Variants in PKHD1 observed in about 807,000 individuals in gnomAD.
PKHD1 encodes fibrocystin.
A neutral mutation model predicts 412.0 loss-of-function variants in PKHD1; 291 were observed. That is an observed-to-expected ratio of 0.71 (90% CI 0.64 to 0.78). PKHD1 has a LOEUF of 0.78. PKHD1 is among the 30% of genes least tolerant of loss of function. The pLI is 0.00. For synonymous variants in PKHD1, 1,777 were observed against 1,821.5 expected, an observed-to-expected ratio of 0.98 and a Z score of 0.62; for missense variants, 4,825 against 4,950.7, an observed-to-expected ratio of 0.97 and a Z score of 0.76.
intron 13 of PKHD1, among the ~76,000 whole-genome samples, chr6:52,063,368 G>A (rs1808969704): frequency 6.6e-6 from 1 of 152,114 alleles, no homozygotes; most frequent in Non-Finnish European, 1.5e-5. Flanking sequence ...ATTTTCTCAT[G>A]CATCAAAATG....
intron 55 of PKHD1, among the ~76,000 whole-genome samples, chr6:51,771,019 A>T (rs983972195): frequency 2.0e-5 from 3 of 152,142 alleles, no homozygotes; most frequent in Non-Finnish European, 2.9e-5. Flanking sequence ...TTCTGCCTTA[A>T]GACGGCAAAC....
At chr6:51,917,099 G>A (rs1783915148) in intron 37 of PKHD1, among the ~76,000 whole-genome samples, 2 of 135,546 alleles carry the variant, frequency 1.5e-5, no homozygotes, top group African/African-American at 5.5e-5. Context: ...TGCTTACTTT[G>A]TAGGACTTAA....
intron 52 of PKHD1, among the ~76,000 whole-genome samples, chr6:51,806,011 G>C (rs1477378605): frequency 2.7e-5 from 4 of 150,744 alleles, no homozygotes; most frequent in Non-Finnish European, 5.9e-5. Context: ...CCCAGTAACA[G>C]GATGGCTGGG....
At chr6:51,920,565 A>G (rs1368676133) in intron 37 of PKHD1, among the ~76,000 whole-genome samples, 1 of 152,172 alleles carries the variant, frequency 6.6e-6, no homozygotes, top group African/African-American at 2.4e-5. Flanking sequence ...AATGTTTATC[A>G]GGGATATTGG....
intron 60 of PKHD1, among the ~76,000 whole-genome samples, chr6:51,691,074 T>C (rs1250191047): frequency 6.6e-6 from 1 of 152,128 alleles, no homozygotes; most frequent in Non-Finnish European, 1.5e-5. Context: ...TCACTGATCA[T>C]TAGAGAAATG....
intron 39 of PKHD1, among the ~76,000 whole-genome samples, chr6:51,909,830 T>C (rs1296012399): frequency 6.6e-6 from 1 of 152,098 alleles, no homozygotes; most frequent in African/African-American, 2.4e-5. Context: ...CTTCTTGTGG[T>C]TGATAATTGT....
rs997021559 is a variant in PKHD1, at chr6:51,753,365, G to C, written c.8798-12C>G. 6.2e-7 allele frequency: 1 copy of C among 1,611,042 alleles called. No homozygotes were observed. Among genetic ancestry groups the C allele is most frequent in the Non-Finnish European group, 8.5e-7 (1 of 1,178,876 alleles). On this transcript the variant is annotated splice_polypyrimidine_tract_variant and intron_variant, in intron 56 of 66. Coordinates refer to ENST00000371117, the MANE Select transcript of PKHD1 (RefSeq NM_138694.4). Reference sequence around the variant, plus strand: ...GACATGTACACTTCCTGGGGCAATAGGAGTTGTGGGAAAAAAAAACTTTAA... The same window carrying C: ...GACATGTACACTTCCTGGGGCAATACGAGTTGTGGGAAAAAAAAACTTTAA...
chr6:51,658,880 C>T lies in PKHD1; in HGVS notation c.11174+72G>A, dbSNP rs1250721321. The T allele has an allele frequency of 8.5e-6, 8 of 942,596 alleles. No homozygotes were observed. The Admixed American group carries it at 1.2e-4, about 14-fold the overall frequency. The allele number at this position is 942,596 out of a possible 1,614,324, so 58.4% of individuals were successfully genotyped here. A position where few individuals can be genotyped will look rare whatever the true frequency, so the allele number is the denominator to read the frequency against. ...ATATGATTCAGTGTAAGTAGATTGA[C>T]ATTTGCAACATATGTCAATATGGAC... On this transcript the variant is annotated intron_variant, in intron 61 of 66. Coordinates refer to ENST00000371117, the MANE Select transcript of PKHD1 (RefSeq NM_138694.4).
At chr6:51,665,246 G>A (rs1181543188) in intron 60 of PKHD1, among the ~76,000 whole-genome samples, 1 of 152,072 alleles carries the variant, frequency 6.6e-6, no homozygotes, top group African/African-American at 2.4e-5. Context: ...CTAGCCCAAT[G>A]TTTCTCAGAA....
At chr6:51,850,125 T>C (rs1235943758) in intron 49 of PKHD1, among the ~76,000 whole-genome samples, 2 of 152,236 alleles carry the variant, frequency 1.3e-5, no homozygotes, top group African/African-American at 4.8e-5. Context: ...TACCCAGTTT[T>C]CCCAGCACCA....
intron 63 of PKHD1, among the ~76,000 whole-genome samples, chr6:51,642,415 A>C (rs779565132): frequency 6.6e-6 from 1 of 152,210 alleles, no homozygotes; most frequent in Non-Finnish European, 1.5e-5. Flanking sequence ...AGTAAGGTAC[A>C]GACTATGGGT....
chr6:51,899,428 T>G (rs545333626), intron 43 of PKHD1, among the ~76,000 whole-genome samples: 1 of 152,194 alleles, frequency 6.6e-6, no homozygotes, highest in South Asian at 2.1e-4. Context: ...CAGAATTATC[T>G]CAATAGATGC....
chr6:51,981,614 C>T (rs545544017), intron 35 of PKHD1, among the ~76,000 whole-genome samples: 1 of 106,736 alleles, frequency 9.4e-6, no homozygotes, highest in African/African-American at 2.6e-5. Context: ...CTCGTTCACT[C>T]AGTGCTCAGT....
chr6:51,961,011 A>G (rs963190694), intron 35 of PKHD1, among the ~76,000 whole-genome samples: 1 of 152,166 alleles, frequency 6.6e-6, no homozygotes, highest in Non-Finnish European at 1.5e-5. Context: ...GATTCCTTCA[A>G]GGTAATAGAT....
chr6:52,052,347 C>T (rs558421329), intron 21 of PKHD1, among the ~76,000 whole-genome samples: 53 of 152,220 alleles, frequency 3.5e-4, no homozygotes, highest in African/African-American at 1.3e-3. Context: ...GGACTTTGTC[C>T]CTAAGACTAG....
chr6:51,808,564 T>C (rs1764202278), intron 52 of PKHD1, among the ~76,000 whole-genome samples: 1 of 152,138 alleles, frequency 6.6e-6, no homozygotes, highest in Non-Finnish European at 1.5e-5. Context: ...GTGTGTCTTT[T>C]AGTCCTTGTC....
At chr6:51,970,674 T>C (rs1036105271) in intron 35 of PKHD1, among the ~76,000 whole-genome samples, 6 of 152,158 alleles carry the variant, frequency 3.9e-5, no homozygotes, top group African/African-American at 1.4e-4. Flanking sequence ...CATATGGCAG[T>C]CCAATTTCCC....
At chr6:52,045,332 TTCTC>T (rs1444286854) in intron 24 of PKHD1, among the ~76,000 whole-genome samples, 4 of 152,212 alleles carry the variant, frequency 2.6e-5, no homozygotes, top group Admixed American at 6.5e-5. Context: ...TAAATCAATC[TTCTC>T]TCTAAGTCTT....
chr6:51,720,405 G>A (rs569618187), intron 60 of PKHD1, among the ~76,000 whole-genome samples: 97 of 152,166 alleles, frequency 6.4e-4, no homozygotes, highest in African/African-American at 2.2e-3. Flanking sequence ...TCATTTGCAC[G>A]GCACCCTTGT....
Sources: gnomAD v4.1 joint callset for allele counts (sites outside exome capture counted in the v4.1 genomes callset) on GRCh38, gnomAD v4.1.1 for gene constraint, MANE v1.5 for transcripts, NCBI Gene and HGNC (gene_info 2026-07-23, HGNC 2026-07-21) for gene names.